The following ASIC2 variants were observed in gnomAD, a reference collection of about 807,000 sequenced individuals.
ASIC2 encodes acid sensing ion channel subunit 2.
A neutral mutation model predicts 57.3 loss-of-function variants in ASIC2; 25 were observed. That is an observed-to-expected ratio of 0.44 (90% CI 0.32 to 0.61). The LOEUF (loss-of-function observed/expected upper bound fraction) is 0.61. Ranked by LOEUF, ASIC2 falls within the 20% of genes least tolerant of loss-of-function variation. ASIC2 has a pLI of 0.06. For synonymous variants in ASIC2, 319 were observed against 307.5 expected, an observed-to-expected ratio of 1.04 and a Z score of -0.39; for missense variants, 641 against 738.1, an observed-to-expected ratio of 0.87 and a Z score of 1.52.
At chr17:33,914,567 G>C (rs1424285906) in intron 1 of ASIC2, among the ~76,000 whole-genome samples, 1 of 152,148 alleles carries the variant, frequency 6.6e-6, no homozygotes, top group Non-Finnish European at 1.5e-5. Flanking sequence ...CTTCTGATGG[G>C]GAAGCCAAAC....
intron 1 of ASIC2, among the ~76,000 whole-genome samples, chr17:33,347,825 G>C (rs1275906184): frequency 6.6e-6 from 1 of 152,126 alleles, no homozygotes; most frequent in Non-Finnish European, 1.5e-5. Context: ...TGTTATGCTG[G>C]GCATGGTTGT....
In ASIC2 at chr17:34,156,096, T is replaced by C. The variant is rs766759249; in HGVS notation, c.437A>G (p.Tyr146Cys). 5 of 1,614,040 alleles carry C rather than the reference T, an allele frequency of 3.1e-6. No individual in the cohort carries two copies. Among genetic ancestry groups the C allele is most frequent in the Non-Finnish European group, 8.5e-7 (1 of 1,180,030 alleles). The change falls in exon 1 of 10, where the codon TAC (tyrosine) becomes TGC (cysteine). Residue 146 changes from tyrosine to cysteine, a missense_variant. Tyr to Cys is a radical substitution (Grantham distance 194). Coordinates refer to the ASIC2 transcript ENST00000359872. The surrounding 1 kb of genome is among the most constrained non-coding windows in gnomAD (Gnocchi z 4.4). ...CAGCATGCTGAACTGCTTGGGTTTGTAGTGCTTGAAGTTGGCCTTCTGCCG... is the reference window on the plus strand; with the variant it reads ...CAGCATGCTGAACTGCTTGGGTTTGCAGTGCTTGAAGTTGGCCTTCTGCCG...
intron 1 of ASIC2, among the ~76,000 whole-genome samples, chr17:34,021,796 G>A (rs1378544246): frequency 6.6e-6 from 1 of 151,564 alleles, no homozygotes; most frequent in East Asian, 1.9e-4. Flanking sequence ...CGGGGATGGA[G>A]CCAGGGGCTT....
intron 1 of ASIC2, among the ~76,000 whole-genome samples, chr17:33,413,225 C>T (rs540740527): frequency 7.2e-4 from 109 of 152,250 alleles, no homozygotes; most frequent in African/African-American, 2.3e-3. Context: ...TGTTCTCATC[C>T]GAGACTTGAA....
chr17:33,724,835 T>TACACAC (rs10685018), intron 1 of ASIC2, among the ~76,000 whole-genome samples: 1 of 150,708 alleles, frequency 6.6e-6, no homozygotes, highest in African/African-American at 2.4e-5. Flanking sequence ...CCCCAACACA[T>TACACAC]ACACACACAC....
At chr17:33,940,668 T>G (rs144129179) in intron 1 of ASIC2, among the ~76,000 whole-genome samples, 24 of 152,196 alleles carry the variant, frequency 1.6e-4, no homozygotes, top group Non-Finnish European at 4.4e-5. Flanking sequence ...AGAGCTTGGA[T>G]CCTAGCAGGG....
intron 1 of ASIC2, among the ~76,000 whole-genome samples, chr17:33,190,406 C>T (rs1251490362): frequency 6.6e-6 from 1 of 152,054 alleles, no homozygotes; most frequent in African/African-American, 2.4e-5. Flanking sequence ...TATGTAAATA[C>T]AGAGAAATGC....
rs145418053 is a variant in ASIC2 at position 33,860,946 on chromosome 17, G to A, written c.555+295032C>T. Among the ~76,000 whole-genome samples, 104 of 152,270 alleles carry A rather than the reference G, an allele frequency of 6.8e-4. 1 individual carries two copies. The highest frequency in any genetic ancestry group is 2.5e-3 in the African/African-American group (103 of 41,564). On this transcript the variant is annotated intron_variant, in intron 1 of 9. Transcript: ENST00000359872. ...GTCTTTAGCAGCCTTGGTCACTGAG[G>A]ATCTAGCACCCACACTGTGTACTAA...
At chr17:33,341,546 A>T (rs1406567025) in intron 1 of ASIC2, among the ~76,000 whole-genome samples, 1 of 152,220 alleles carries the variant, frequency 6.6e-6, no homozygotes, top group Admixed American at 6.5e-5. Flanking sequence ...AGACCCCATG[A>T]CTTGCAAAGC....
At chr17:33,676,482 C>A (rs1023311559) in intron 1 of ASIC2, among the ~76,000 whole-genome samples, 1 of 152,012 alleles carries the variant, frequency 6.6e-6, no homozygotes, top group African/African-American at 2.4e-5. Context: ...AAAGTGAAAG[C>A]CTTCTTGCTG....
At chr17:33,852,405 A>G (rs1913793831) in intron 1 of ASIC2, among the ~76,000 whole-genome samples, 1 of 151,920 alleles carries the variant, frequency 6.6e-6, no homozygotes, top group Admixed American at 6.5e-5. Flanking sequence ...CTGACCACCT[A>G]CTTCAGGTCC....
At chr17:33,737,552 T>C (rs1274151045) in intron 1 of ASIC2, among the ~76,000 whole-genome samples, 1 of 150,516 alleles carries the variant, frequency 6.6e-6, no homozygotes, top group Non-Finnish European at 1.5e-5. Context: ...CGCTTATAGG[T>C]TTATTTAACT....
intron 1 of ASIC2, among the ~76,000 whole-genome samples, chr17:33,913,289 C>G (rs901152377): frequency 6.6e-6 from 1 of 152,218 alleles, no homozygotes; most frequent in Middle Eastern, 3.4e-3. Context: ...AGAATTTGTT[C>G]TGCTTAGGTA....
In ASIC2 at chr17:33,414,762, C is replaced by G. The variant is rs149164656; in HGVS notation, c.556-302695G>C. 6.1e-3 allele frequency among the ~76,000 whole-genome samples: 936 copies of G among 152,308 alleles called. 12 individuals are homozygous for G. The highest frequency in any genetic ancestry group is 0.021 in the African/African-American group (881 of 41,570). On this transcript the variant is annotated intron_variant, in intron 1 of 9. Coordinates refer to the ASIC2 transcript ENST00000359872. ...TTTAAATTTTAATTTGGTTCTGTCA[C>G]TGAAATCACATTAGGCCCCACTCTG...
chr17:33,084,251 G>T (rs1210355059), intron 3 of ASIC2, among the ~76,000 whole-genome samples: 6 of 152,168 alleles, frequency 3.9e-5, no homozygotes, highest in Admixed American at 3.3e-4. Context: ...GCCCAGAGAG[G>T]GCAGTGACCT....
chr17:33,397,596 A>G (rs1910126129), intron 1 of ASIC2, among the ~76,000 whole-genome samples: 1 of 152,192 alleles, frequency 6.6e-6, no homozygotes, highest in African/African-American at 2.4e-5. Flanking sequence ...AGGTTCCTCT[A>G]AAGAACATTG....
chr17:33,425,664 A>C (rs1047786564), intron 1 of ASIC2, among the ~76,000 whole-genome samples: 5 of 152,064 alleles, frequency 3.3e-5, no homozygotes, highest in African/African-American at 1.2e-4. Context: ...AGGTTGAGAA[A>C]ACAGAAGGGA....
rs559267491 is a variant in ASIC2, at chr17:33,053,447, T to C, written c.988-25055A>G. Among the ~76,000 whole-genome samples, 22 of 152,320 alleles carry C rather than the reference T, an allele frequency of 1.4e-4. No individual in the cohort carries two copies. The East Asian group carries it at 4.0e-3, about 28-fold the overall frequency. On this transcript the variant is annotated intron_variant, in intron 3 of 9. Coordinates refer to ENST00000225823, the MANE Select transcript of ASIC2 (RefSeq NM_183377.2). ...TTTTAAAAAGGACCTTGGCCCCTTT[T>C]CCTTCTCCCTTAGCCTCCACTGGAG...
In ASIC2 at chr17:33,713,000, T is replaced by G. The variant is rs770250851; in HGVS notation, c.555+442978A>C. On this transcript the variant is annotated intron_variant, in intron 1 of 9. Coordinates refer to the ASIC2 transcript ENST00000359872. Reference sequence around the variant, plus strand: ...TTGTCTGAAGACCTTCTTCAGTTCCTTGCCATAGTATGATATAATGCTATC... The same window carrying G: ...TTGTCTGAAGACCTTCTTCAGTTCCGTGCCATAGTATGATATAATGCTATC... Among the ~76,000 whole-genome samples, 230 of 152,208 alleles carry G rather than the reference T, an allele frequency of 1.5e-3. 2 individuals are homozygous for G. Among genetic ancestry groups the G allele is most frequent in the Non-Finnish European group, 3.5e-4 (24 of 68,052 alleles).
Sources: allele counts gnomAD v4.1 joint callset (sites outside exome capture counted in the v4.1 genomes callset), GRCh38; gene constraint gnomAD v4.1.1; non-coding constraint Gnocchi (gnomAD v3.1); transcripts MANE v1.5; gene names NCBI Gene and HGNC (gene_info 2026-07-23, HGNC 2026-07-21).